PPAT: variants seen among roughly 807,000 people sequenced by gnomAD.
PPAT encodes amidophosphoribosyltransferase.
PPAT carries 20 observed loss-of-function variants against 60.2 expected under a neutral mutation model. That is an observed-to-expected ratio of 0.33 (90% CI 0.23 to 0.48). The LOEUF is 0.48. Among genes scored for constraint, PPAT ranks in the 20% least tolerant of loss-of-function variants. The pLI is 0.99. For synonymous variants in PPAT, 194 were observed against 215.1 expected, an observed-to-expected ratio of 0.90 and a Z score of 0.86; for missense variants, 349 against 629.6, an observed-to-expected ratio of 0.55 and a Z score of 4.77.
chr4:56,435,052 C>T (rs1026972713), intron 1 of PPAT, among the ~76,000 whole-genome samples: 12 of 152,160 alleles, frequency 7.9e-5, no homozygotes, highest in African/African-American at 2.9e-4. Context: ...CCAAGCAAAC[C>T]GGCGGTTTAC....
chr4:56,401,324 A>G lies in PPAT; in HGVS notation c.886+6T>C, dbSNP rs776840099. On this transcript the variant is annotated splice_donor_region_variant and intron_variant, in intron 7 of 10. Transcript: ENST00000264220. ...ATGAATGTTCAAAGAAAAGAAATCT[A>G]CTTACCTTCGAACATACTGTCTGGT... 6 of 1,564,452 alleles carry G rather than the reference A, an allele frequency of 3.8e-6. No individual in the cohort carries two copies. The African/African-American group carries it at 6.9e-5, about 18-fold the overall frequency.
Position 56,427,399 on chromosome 4 carries a change from T to G in PPAT, c.128+7951A>C, listed in dbSNP as rs181611804. 5.9e-3 allele frequency among the ~76,000 whole-genome samples: 906 copies of G among 152,366 alleles called. 6 individuals are homozygous for G. Among genetic ancestry groups the G allele is most frequent in the Middle Eastern group, 0.027 (8 of 294 alleles). ...TGGAATTGCTTGGTCATATGGCATATGCTGAAAGTTTCTGAGGAACTACCT... is the reference window on the plus strand; with the variant it reads ...TGGAATTGCTTGGTCATATGGCATAGGCTGAAAGTTTCTGAGGAACTACCT... On this transcript the variant is annotated intron_variant, in intron 1 of 10. Coordinates refer to ENST00000264220, the MANE Select transcript of PPAT (RefSeq NM_002703.5).
intron 1 of PPAT, among the ~76,000 whole-genome samples, chr4:56,412,993 T>C (rs1716539630): frequency 8.4e-6 from 1 of 118,476 alleles, no homozygotes; most frequent in Non-Finnish European, 1.8e-5. Flanking sequence ...GGTTCCATAA[T>C]ATTTAACTGA....
chr4:56,396,489 A>G lies in PPAT; in HGVS notation c.1357+130T>C, dbSNP rs1423846556. 4 of 895,616 alleles carry G rather than the reference A, an allele frequency of 4.5e-6. No individual in the cohort carries two copies. Among genetic ancestry groups the G allele is most frequent in the Non-Finnish European group, 4.9e-6 (3 of 609,918 alleles). The allele number at this position is 895,616 out of a possible 1,614,324, so 55.5% of individuals were successfully genotyped here. Reference sequence around the variant, plus strand: ...ACTCTCACTGTTGAGAATAGTATTCAATATCTGTTTAACATATATAACTAC... The same window carrying G: ...ACTCTCACTGTTGAGAATAGTATTCGATATCTGTTTAACATATATAACTAC... On this transcript the variant is annotated intron_variant, in intron 10 of 10. Transcript: ENST00000264220. The surrounding 1 kb of genome is among the most constrained non-coding windows in gnomAD (Gnocchi z 4.6).
At chr4:56,398,944 G>A (rs955791711) in intron 9 of PPAT, among the ~76,000 whole-genome samples, 1 of 152,012 alleles carries the variant, frequency 6.6e-6, no homozygotes, top group Non-Finnish European at 1.5e-5. Context: ...GAGCTACCTC[G>A]CCCAGCCTTA....
chr4:56,397,970 A>T (rs897345708), intron 9 of PPAT, among the ~76,000 whole-genome samples: 2 of 152,166 alleles, frequency 1.3e-5, no homozygotes, highest in African/African-American at 4.8e-5. Context: ...TGAGCCCAGG[A>T]GGTGGAGGTT....
At chr4:56,435,090 C>G (rs545488407) in intron 1 of PPAT, among the ~76,000 whole-genome samples, 6 of 152,274 alleles carry the variant, frequency 3.9e-5, no homozygotes, top group Non-Finnish European at 5.9e-5. Flanking sequence ...GATGGGTGCA[C>G]ACACCGGGGG....
At chr4:56,423,718 G>C (rs1717154098) in intron 1 of PPAT, among the ~76,000 whole-genome samples, 2 of 151,654 alleles carry the variant, frequency 1.3e-5, no homozygotes, top group Non-Finnish European at 2.9e-5. Flanking sequence ...AATATATTTA[G>C]AAAATGTGAA....
At chr4:56,410,861 A>C in intron 1 of PPAT, 7 of 978,680 alleles carry the variant, frequency 7.2e-6, no homozygotes, top group Non-Finnish European at 8.5e-6. Flanking sequence ...GTACCTGGAA[A>C]CGCTCAGCCC....
intron 1 of PPAT, among the ~76,000 whole-genome samples, chr4:56,433,653 C>T (rs1043980754): frequency 6.6e-6 from 1 of 151,946 alleles, no homozygotes; most frequent in Non-Finnish European, 1.5e-5. Context: ...CTAAAGACCT[C>T]TAGATTCTCC....
At chr4:56,428,696 G>T (rs1168323792) in intron 1 of PPAT, among the ~76,000 whole-genome samples, 4 of 152,062 alleles carry the variant, frequency 2.6e-5, no homozygotes, top group African/African-American at 9.7e-5. Context: ...CTTTAAAAAT[G>T]AAATCCTTAC....
In PPAT at chr4:56,402,820, CAAAA is replaced by C. The variant is rs556899549; in HGVS notation, c.661+216_661+219del. ...GGCAACAAGAGTGAAACTCGGTCTC[CAAAA>C]AAAAAAAAAAAAAAAAAAAAAAAAG... On this transcript the variant is annotated intron_variant, in intron 5 of 10. Coordinates refer to ENST00000264220, the MANE Select transcript of PPAT (RefSeq NM_002703.5). 1.6e-4 allele frequency among the ~76,000 whole-genome samples: 7 copies of C among 44,024 alleles called. No homozygotes were observed. The East Asian group carries it at 1.6e-3, about 10-fold the overall frequency. 28.9% of individuals were successfully genotyped at this position (44,024 alleles called of 152,430 possible). A position where few individuals can be genotyped will look rare whatever the true frequency, so the allele number is the denominator to read the frequency against.
In PPAT at chr4:56,394,916, C is replaced by T. The variant is rs1253127019; in HGVS notation, c.*436G>A. ...TTAGACAGGGAAGCCAAGGTCATAACTACAGCCAGAACTGTAGAGGCTAGA... is the reference window on the plus strand; with the variant it reads ...TTAGACAGGGAAGCCAAGGTCATAATTACAGCCAGAACTGTAGAGGCTAGA... On this transcript the variant is annotated 3_prime_UTR_variant, in exon 11 of 11. Coordinates refer to ENST00000264220, the MANE Select transcript of PPAT (RefSeq NM_002703.5). 2.6e-5 allele frequency: 4 copies of T among 151,670 alleles called. No individual in the cohort carries two copies. Among genetic ancestry groups the T allele is most frequent in the Non-Finnish European group, 4.4e-5 (3 of 68,132 alleles). The allele number at this position is 151,670 out of a possible 1,614,324, so 9.4% of individuals were successfully genotyped here. A position where few individuals can be genotyped will look rare whatever the true frequency, so the allele number is the denominator to read the frequency against.
chr4:56,398,359 G>T (rs1489751256), intron 9 of PPAT, among the ~76,000 whole-genome samples: 1 of 152,150 alleles, frequency 6.6e-6, no homozygotes, highest in East Asian at 1.9e-4. Context: ...AACAGAGCCA[G>T]ACACTGTCTT....
At chr4:56,425,944 T>G (rs1717262020) in intron 1 of PPAT, among the ~76,000 whole-genome samples, 1 of 152,226 alleles carries the variant, frequency 6.6e-6, no homozygotes, top group South Asian at 2.1e-4. Flanking sequence ...ACACTTGACT[T>G]GTCTTTACTT....
intron 1 of PPAT, among the ~76,000 whole-genome samples, chr4:56,411,986 T>C (rs1454113621): frequency 6.6e-6 from 1 of 152,218 alleles, no homozygotes; most frequent in African/African-American, 2.4e-5. Context: ...GTTATTACCA[T>C]ATTAAACAGC....
chr4:56,419,473 T>C (rs577623854), intron 1 of PPAT: 6 of 162,682 alleles, frequency 3.7e-5, no homozygotes, highest in African/African-American at 1.2e-4. Context: ...GTTTCCCCAC[T>C]GTTTAAGAGA....
At chr4:56,404,136 A>T (rs1382275070) in intron 3 of PPAT, 1 of 362,476 alleles carries the variant, frequency 2.8e-6, no homozygotes, top group Non-Finnish European at 5.8e-6. Flanking sequence ...ATTTTCAAGC[A>T]GGAAAAATGT....
At chr4:56,402,820 C>CAAAAAAAAAAAAA (rs556899549) in intron 5 of PPAT, among the ~76,000 whole-genome samples, 1 of 44,024 alleles carries the variant, frequency 2.3e-5, no homozygotes, top group Admixed American at 3.2e-4. Flanking sequence ...ACTCGGTCTC[C>CAAAAAAAAAAAAA]AAAAAAAAAA....
Sources: gnomAD v4.1 joint callset for allele counts (sites outside exome capture counted in the v4.1 genomes callset) on GRCh38, gnomAD v4.1.1 for gene constraint, Gnocchi (gnomAD v3.1) non-coding constraint, MANE v1.5 for transcripts, NCBI Gene and HGNC (gene_info 2026-07-23, HGNC 2026-07-21) for gene names.